Variants in TOX2 observed in about 807,000 individuals in gnomAD.
The protein encoded by TOX2 is granulosa cell HMG box 1.
In TOX2, 15 loss-of-function variants were observed where a neutral mutation model predicts 47.4. The observed-to-expected ratio is 0.32, with a 90% CI of 0.21 to 0.49. The LOEUF is 0.49. TOX2 is among the 20% of genes least tolerant of loss of function. The pLI, the probability that TOX2 is intolerant of heterozygous loss-of-function variation, is 0.99. For missense variants in TOX2, 622 were observed against 673.1 expected, an observed-to-expected ratio of 0.92 and a Z score of 0.84; for synonymous variants, 290 against 296.6, an observed-to-expected ratio of 0.98 and a Z score of 0.23.
At chr20:44,026,901 C>G (rs973688424) in intron 3 of TOX2, among the ~76,000 whole-genome samples, 1 of 152,180 alleles carries the variant, frequency 6.6e-6, no homozygotes, top group South Asian at 2.1e-4. Context: ...ATCTGGGAAG[C>G]TTTTCCTGCC....
At chr20:44,021,050 G>A (rs939427851) in intron 3 of TOX2, among the ~76,000 whole-genome samples, 12 of 152,186 alleles carry the variant, frequency 7.9e-5, no homozygotes, top group Non-Finnish European at 1.5e-4. Context: ...ATCGCACGAC[G>A]CCTCATCCTG....
At chr20:43,942,100 G>C (rs538380148) in intron 1 of TOX2, among the ~76,000 whole-genome samples, 7 of 152,266 alleles carry the variant, frequency 4.6e-5, no homozygotes, top group African/African-American at 1.7e-4. Flanking sequence ...CAAGTGTGAG[G>C]ATTAAATGAG....
intron 3 of TOX2, among the ~76,000 whole-genome samples, chr20:44,048,086 A>G (rs923452973): frequency 6.6e-6 from 1 of 151,940 alleles, no homozygotes; most frequent in Non-Finnish European, 1.5e-5. Flanking sequence ...GGGTGTGGTG[A>G]CATGCACCTG....
chr20:43,973,545 G>A lies in TOX2; in HGVS notation c.165+113G>A, dbSNP rs2070016762. ...AATGGGGCCAGCACAGCCCGCTGCT[G>A]TCTTCTCTCTGAATGATCAAGAATA... is the stretch of plus-strand genomic sequence containing the variant. On this transcript the variant is annotated intron_variant, in intron 2 of 8. Coordinates refer to ENST00000341197, the MANE Select transcript of TOX2 (RefSeq NM_001098797.2). 7.2e-6 allele frequency: 6 copies of A among 836,672 alleles called. No homozygotes were observed. In the Admixed American group the frequency reaches 1.3e-4, roughly 18 times the overall value. 51.8% of individuals were successfully genotyped at this position (836,672 alleles called of 1,614,324 possible). A position where few individuals can be genotyped will look rare whatever the true frequency, so the allele number is the denominator to read the frequency against.
intron 1 of TOX2, among the ~76,000 whole-genome samples, chr20:43,922,613 A>G (rs2069123509): frequency 6.6e-6 from 1 of 152,238 alleles, no homozygotes; most frequent in African/African-American, 2.4e-5. Context: ...ATGGTAAGTG[A>G]TTATTAACCT....
intron 2 of TOX2, among the ~76,000 whole-genome samples, chr20:43,993,759 A>T (rs1302583007): frequency 1.3e-5 from 2 of 152,262 alleles, no homozygotes; most frequent in African/African-American, 4.8e-5. Flanking sequence ...TCACAAAGCC[A>T]AAAATACATA....
At chr20:44,028,762 C>G (rs750166888) in intron 3 of TOX2, among the ~76,000 whole-genome samples, 4 of 152,160 alleles carry the variant, frequency 2.6e-5, no homozygotes, top group Non-Finnish European at 5.9e-5. Flanking sequence ...GCTCTCAGAC[C>G]CCTTTTGAAA....
chr20:44,066,667 G>A (rs979600005), intron 7 of TOX2, 63 bp from the exon 8 acceptor site: 2 of 1,612,302 alleles, frequency 1.2e-6, no homozygotes, highest in East Asian at 2.2e-5. Context: ...ACCCCGGGAG[G>A]CCTGGGACAG....
At chr20:43,959,298 G>T (rs2069718302) in intron 1 of TOX2, among the ~76,000 whole-genome samples, 2 of 152,230 alleles carry the variant, frequency 1.3e-5, no homozygotes. Context: ...TTCCAGAGCT[G>T]TGCTGCACCA....
intron 2 of TOX2, 136 bp downstream of exon 2, chr20:43,973,568 A>G (rs1007795566): frequency 2.8e-6 from 2 of 709,930 alleles, no homozygotes; most frequent in Non-Finnish European, 4.8e-6. Flanking sequence ...ATGATCAAGA[A>G]TAGCAATAGT....
At chr20:43,981,634 G>T (rs1170997495) in intron 2 of TOX2, among the ~76,000 whole-genome samples, 1 of 152,138 alleles carries the variant, frequency 6.6e-6, no homozygotes, top group Non-Finnish European at 1.5e-5. Flanking sequence ...TATAACTTTA[G>T]AAAGTTAAAT....
chr20:43,927,127 G>T (rs1325912342), intron 1 of TOX2, among the ~76,000 whole-genome samples: 4 of 152,132 alleles, frequency 2.6e-5, no homozygotes, highest in Non-Finnish European at 4.4e-5. Flanking sequence ...CCAAATTATG[G>T]CTTCTTTTTC....
Position 43,915,501 on chromosome 20 carries a change from T to A in TOX2, c.99+511T>A, listed in dbSNP as rs2069045267. On this transcript the variant is annotated intron_variant, in intron 1 of 8. Transcript: ENST00000341197. This position sits in a 1 kb window ranked among gnomAD's most constrained non-coding sequence, Gnocchi z 7.1. Reference sequence around the variant, plus strand: ...GTCACACAAAGAAGTCGCCCGACAGTCACACTCTCGCAGCCACAACGCCTC... The same window carrying A: ...GTCACACAAAGAAGTCGCCCGACAGACACACTCTCGCAGCCACAACGCCTC... Among the ~76,000 whole-genome samples, 2 of 151,906 alleles carry A rather than the reference T, an allele frequency of 1.3e-5. No homozygotes were observed. Among genetic ancestry groups the A allele is most frequent in the Non-Finnish European group, 2.9e-5 (2 of 67,974 alleles).
At chr20:44,048,320 C>CAG (rs1460970417) in intron 3 of TOX2, among the ~76,000 whole-genome samples, 5 of 148,898 alleles carry the variant, frequency 3.4e-5, no homozygotes, top group Admixed American at 1.3e-4. Context: ...ATGAAAACCA[C>CAG]AGAGTATATT....
intron 3 of TOX2, among the ~76,000 whole-genome samples, chr20:44,033,558 C>G (rs759866146): frequency 6.6e-6 from 1 of 151,926 alleles, no homozygotes; most frequent in Non-Finnish European, 1.5e-5. Context: ...TTCAGAAGTA[C>G]TTACAAGAGG....
At chr20:43,928,052 C>G in intron 1 of TOX2, among the ~76,000 whole-genome samples, 1 of 152,100 alleles carries the variant, frequency 6.6e-6, no homozygotes. Flanking sequence ...GGGACACTTG[C>G]CTGTGCTTGA....
chr20:44,051,331 T>G lies in TOX2; in HGVS notation c.437T>G (p.Val146Gly), dbSNP rs1348202226. ...PTIQEMVHSE[V>G]AAYDSGRPGP... ...ATCCAGGAGATGGTCCACTCGGAAG[T>G]GGCTGCCTATGACTCGGGCCGGCCC... Residue 146 changes from valine to glycine, a missense_variant, in exon 4 of 9, where the codon GTG (valine) becomes GGG (glycine). Physicochemically the swap from Val to Gly is moderately radical, Grantham distance 109. Around this residue, in one of 3 missense-constraint regions of TOX2, gnomAD observed 307 missense variants for 327.3 expected, o/e 0.94. Coordinates refer to ENST00000341197, the MANE Select transcript of TOX2 (RefSeq NM_001098797.2). 6.2e-7 allele frequency: 1 copy of G among 1,612,026 alleles called. No individual in the cohort carries two copies.
At position 43,993,900 on chromosome 20, in the gene TOX2, C is replaced by A. The variant is rs1040390001; in HGVS notation, c.166-12647C>A. 4.6e-5 allele frequency among the ~76,000 whole-genome samples: 7 copies of A among 152,144 alleles called. 1 individual carries two copies. Among genetic ancestry groups the A allele is most frequent in the Admixed American group, 3.3e-4 (5 of 15,272 alleles). ...GGGCACAGTAGCTCACGCGTGTAAT[C>A]CCAGCACTTCGGAATGGAAAGCAGG... On this transcript the variant is annotated intron_variant, in intron 2 of 8. Transcript: ENST00000341197.
At chr20:43,950,633 C>T (rs2069546072) in intron 1 of TOX2, among the ~76,000 whole-genome samples, 1 of 152,112 alleles carries the variant, frequency 6.6e-6, no homozygotes, top group African/African-American at 2.4e-5. Context: ...CACTCCCTCA[C>T]CTCCTTCCAG....
Sources: allele counts gnomAD v4.1 joint callset (sites outside exome capture counted in the v4.1 genomes callset), GRCh38; gene constraint gnomAD v4.1.1; regional missense constraint gnomAD v4.1.1; non-coding constraint Gnocchi (gnomAD v3.1); transcripts MANE v1.5; gene names NCBI Gene and HGNC (gene_info 2026-07-23, HGNC 2026-07-21).